CCDC33: variants seen among roughly 807,000 people sequenced by gnomAD.
The protein encoded by CCDC33 is coiled-coil domain-containing protein 33.
A neutral mutation model predicts 91.9 loss-of-function variants in CCDC33; 94 were observed. The ratio of observed to expected loss-of-function variants is 1.02; its 90% CI spans 0.87 to 1.21. The LOEUF (loss-of-function observed/expected upper bound fraction) is 1.21. CCDC33 is among the 50% of genes most tolerant of loss of function. CCDC33 has a pLI of 0.00. For missense variants in CCDC33, 940 were observed against 935.5 expected (o/e 1.00, Z -0.06); for synonymous variants, 396 against 374.5 (o/e 1.06, Z -0.66).
chr15:74,320,146 A>G (rs117680378), intron 11 of CCDC33, among the ~76,000 whole-genome samples: 2,709 of 152,238 alleles, frequency 0.018, 49 homozygotes, highest in East Asian at 0.11. Context: ...CCCTGGTTCT[A>G]GAAACTCCTG....
intron 3 of CCDC33, among the ~76,000 whole-genome samples, chr15:74,265,693 C>T (rs1383712158): frequency 6.6e-6 from 1 of 152,230 alleles, no homozygotes; most frequent in African/African-American, 2.4e-5. Context: ...CTAAACAGGA[C>T]TGTCATGATT....
At chr15:74,252,220 A>T (rs995212910) in intron 2 of CCDC33, among the ~76,000 whole-genome samples, 1 of 152,192 alleles carries the variant, frequency 6.6e-6, no homozygotes, top group Non-Finnish European at 1.5e-5. Context: ...TCCAGAGAAG[A>T]TGCAGTGACT....
chr15:74,335,945 G>A lies in CCDC33; in HGVS notation c.2160G>A (p.Met720Ile). The A allele has an allele frequency of 1.2e-6, 2 of 1,613,816 alleles. No homozygotes were observed. The highest frequency in any genetic ancestry group is 2.2e-5 in the South Asian group (2 of 91,070). The change falls in exon 19 of 19, where the codon ATG (methionine) becomes ATA (isoleucine). Residue 720 changes from methionine to isoleucine, a missense_variant. Transcript: ENST00000398814. ...IEQPSALTHS[M>I]DLKQPSELEP... is the part of the protein sequence containing the mutation. ...CACAGAGTGCCCTCACCCACTCCATGGACCTCAAGCAGCCCTCAGAGCTGG... is the reference window on the plus strand; with the variant it reads ...CACAGAGTGCCCTCACCCACTCCATAGACCTCAAGCAGCCCTCAGAGCTGG...
chr15:74,253,101 C>T (rs411480), intron 2 of CCDC33, among the ~76,000 whole-genome samples: 2 of 152,200 alleles, frequency 1.3e-5, no homozygotes, highest in Non-Finnish European at 2.9e-5. Flanking sequence ...TTCTGGAATC[C>T]TGCATAACAG....
exon 2 of CCDC33, chr15:74,209,490 A>C: frequency 6.7e-7 from 1 of 1,503,544 alleles, no homozygotes; most frequent in Non-Finnish European, 8.9e-7. Flanking sequence ...GGCCCTGACC[A>C]CAGCTAAGGG....
At chr15:74,265,794 C>A (rs756713838) in intron 3 of CCDC33, among the ~76,000 whole-genome samples, 1 of 152,190 alleles carries the variant, frequency 6.6e-6, no homozygotes, top group Non-Finnish European at 1.5e-5. Context: ...GAGTCTGAGG[C>A]GGGTGGATCA....
intron 7 of CCDC33, among the ~76,000 whole-genome samples, chr15:74,275,518 A>G (rs571783309): frequency 4.9e-4 from 74 of 152,310 alleles, no homozygotes; most frequent in Middle Eastern, 3.4e-3. Context: ...AACTCACGAC[A>G]TAGAATGCTG....
intron 2 of CCDC33, among the ~76,000 whole-genome samples, chr15:74,211,910 A>G (rs1217964305): frequency 1.4e-5 from 2 of 138,486 alleles, no homozygotes; most frequent in Non-Finnish European, 3.2e-5. Flanking sequence ...TCTCTCTATC[A>G]CTCTCTCTGT....
chr15:74,330,811 A>C (rs1596139223), intron 13 of CCDC33, 60 bp downstream of exon 13: 1 of 1,545,568 alleles, frequency 6.5e-7, no homozygotes, highest in African/African-American at 1.4e-5. Flanking sequence ...CATCGGGGTG[A>C]GAAGAGTCTG....
At position 74,262,307 on chromosome 15, in the gene CCDC33, G is replaced by A. The variant is rs566263353; in HGVS notation, c.186-133G>A. On this transcript the variant is annotated intron_variant, in intron 2 of 18. Coordinates refer to ENST00000398814, the MANE Select transcript of CCDC33 (RefSeq NM_025055.5). ...GGGAGAGGCCTGGGATGACACAAGT[G>A]TCTATGCATGGGACAGAGCTCTCCA... 1.5e-5 allele frequency: 18 copies of A among 1,174,206 alleles called. No homozygotes were observed. In the East Asian group the frequency reaches 4.1e-4, roughly 26 times the overall value. 72.7% of individuals were successfully genotyped at this position (1,174,206 alleles called of 1,614,324 possible).
chr15:74,330,791 G>C, intron 13 of CCDC33, 40 bp downstream of exon 13: 1 of 1,569,972 alleles, frequency 6.4e-7, no homozygotes, highest in Non-Finnish European at 8.8e-7. Flanking sequence ...AGGGAGCTAT[G>C]GTGGGGGAGC....
chr15:74,232,664 A>T (rs908897043), upstream of CCDC33, among the ~76,000 whole-genome samples: 6 of 152,128 alleles, frequency 3.9e-5, no homozygotes, highest in African/African-American at 1.4e-4. Flanking sequence ...TAGCTGTGTG[A>T]TCTTGGGCAA....
chr15:74,284,383 G>A (rs2059432141), intron 10 of CCDC33, among the ~76,000 whole-genome samples: 1 of 152,016 alleles, frequency 6.6e-6, no homozygotes, highest in African/African-American at 2.4e-5. Flanking sequence ...CTCCCTAAGG[G>A]ATGGCAGGAA....
chr15:74,334,448 A>G (rs765386800), intron 17 of CCDC33, among the ~76,000 whole-genome samples: 6 of 149,670 alleles, frequency 4.0e-5, no homozygotes, highest in South Asian at 2.1e-4. Flanking sequence ...TTCAGTGTAC[A>G]ACCAGGGTCA....
chr15:74,283,505 G>A (rs892387187), intron 10 of CCDC33, among the ~76,000 whole-genome samples: 6 of 152,172 alleles, frequency 3.9e-5, no homozygotes, highest in East Asian at 1.9e-4. Context: ...ATTATTCACC[G>A]GAGCTGTGCT....
chr15:74,332,381 T>G (rs896695415), intron 15 of CCDC33, among the ~76,000 whole-genome samples: 1 of 151,950 alleles, frequency 6.6e-6, no homozygotes, highest in Non-Finnish European at 1.5e-5. Context: ...AACAGCCAGA[T>G]CAAAGGCCCA....
In CCDC33 at chr15:74,282,500, T is replaced by C. The variant is rs375167735; in HGVS notation, c.1095+651T>C. Reference sequence around the variant, plus strand: ...CTCAAAACTCTGACTTCCTCTTCTGTCAGCAGCCACAGAAAACTTTTAGAG... The same window carrying C: ...CTCAAAACTCTGACTTCCTCTTCTGCCAGCAGCCACAGAAAACTTTTAGAG... On this transcript the variant is annotated intron_variant, in intron 10 of 18. Coordinates refer to ENST00000398814, the MANE Select transcript of CCDC33 (RefSeq NM_025055.5). Among the ~76,000 whole-genome samples the C allele has an allele frequency of 1.1e-3, 167 of 152,312 alleles. 2 individuals carry two copies. Among genetic ancestry groups the C allele is most frequent in the Middle Eastern group, 6.8e-3 (2 of 294 alleles).
At chr15:74,334,010 C>G in intron 17 of CCDC33, 43 bp downstream of exon 17, 2 of 1,523,272 alleles carry the variant, frequency 1.3e-6, no homozygotes, top group Non-Finnish European at 1.8e-6. Flanking sequence ...TCAGGCTCAC[C>G]ACACAGCCTA....
At chr15:74,287,430 TC>T (rs763304766) in intron 10 of CCDC33, among the ~76,000 whole-genome samples, 25 of 152,272 alleles carry the variant, frequency 1.6e-4, no homozygotes, top group Non-Finnish European at 2.9e-4. Context: ...AGGAGACAGA[TC>T]CACCCCTTAC....
Sources: gnomAD v4.1 joint callset for allele counts (sites outside exome capture counted in the v4.1 genomes callset) on GRCh38, gnomAD v4.1.1 for gene constraint, MANE v1.5 for transcripts, NCBI Gene and HGNC (gene_info 2026-07-23, HGNC 2026-07-21) for gene names.